Variants in APCDD1 observed in about 807,000 individuals in gnomAD.
The protein encoded by APCDD1 is APC down-regulated 1, also known as protein APCDD1.
Under a neutral mutation model 38.1 loss-of-function variants are expected in APCDD1, and 15 were observed. The observed-to-expected ratio is 0.39, with a 90% CI of 0.26 to 0.61. APCDD1 has a LOEUF of 0.61. Ranked by LOEUF, APCDD1 falls within the 20% of genes least tolerant of loss-of-function variation. The pLI is 0.49. For synonymous variants in APCDD1, 261 were observed against 279.7 expected (o/e 0.93, Z 0.67); for missense variants, 647 against 696.2 (o/e 0.93, Z 0.79).
chr18:10,483,463 C>T (rs1046563768), intron 3 of APCDD1, among the ~76,000 whole-genome samples: 7 of 152,246 alleles, frequency 4.6e-5, no homozygotes, highest in East Asian at 1.9e-4. Flanking sequence ...AACATTATCT[C>T]GCCTGAAGTG....
chr18:10,462,880 C>T (rs1051164743), intron 1 of APCDD1, among the ~76,000 whole-genome samples: 1 of 151,802 alleles, frequency 6.6e-6, no homozygotes, highest in Non-Finnish European at 1.5e-5. Flanking sequence ...GCCTTATCAT[C>T]GATCTTCCTG....
Position 10,467,319 on chromosome 18 carries a change from C to CTGTT in APCDD1, c.59-1150_59-1149insTGTT, listed in dbSNP as rs557531404. ...TTAAAAAATATAATTGCTTCCTCAC[C>CTGTT]AGTAGCATTCAAACAGGTACATTTT... On this transcript the variant is annotated intron_variant, in intron 1 of 4. Transcript: ENST00000355285. This position sits in a 1 kb window ranked among gnomAD's most constrained non-coding sequence, Gnocchi z 4.8. Among the ~76,000 whole-genome samples the CTGTT allele has an allele frequency of 4.2e-4, 64 of 152,252 alleles. No homozygotes were observed. The South Asian group carries it at 0.012, about 30-fold the overall frequency.
chr18:10,468,294 A>G (rs1317099603), intron 1 of APCDD1, among the ~76,000 whole-genome samples, 175 bp from the exon 2 acceptor site: 1 of 152,252 alleles, frequency 6.6e-6, no homozygotes, highest in Admixed American at 6.5e-5. Context: ...CTACAATGAC[A>G]CTTGCCACTT....
chr18:10,478,875 C>T (rs895782494), intron 3 of APCDD1, among the ~76,000 whole-genome samples: 7 of 152,174 alleles, frequency 4.6e-5, no homozygotes, highest in Non-Finnish European at 1.0e-4. Flanking sequence ...TCCTAGAATC[C>T]CAGATAGGAA....
rs765912477 is a variant in APCDD1, at chr18:10,471,486, C to T, written c.243-44C>T. ...TACTATAATGAATCTCTTTCCCATA[C>T]CTTCAGGCTTACAAAGGTCTCTTCT... On this transcript the variant is annotated intron_variant, in intron 2 of 4. Transcript: ENST00000355285. This position sits in a 1 kb window ranked among gnomAD's most constrained non-coding sequence, Gnocchi z 5.5. 7 of 1,611,494 alleles carry T rather than the reference C, an allele frequency of 4.3e-6. No individual in the cohort carries two copies. In the African/African-American group the frequency reaches 6.7e-5, roughly 15 times the overall value.
intron 3 of APCDD1, among the ~76,000 whole-genome samples, chr18:10,481,413 T>A (rs1274053596): frequency 6.6e-6 from 1 of 152,190 alleles, no homozygotes; most frequent in Non-Finnish European, 1.5e-5. Context: ...GAGGAGCTTA[T>A]AGTAAGTGAA....
rs1017355296 is a variant in APCDD1 at position 10,489,197 on chromosome 18, A to C, written c.*1159A>C. 6.6e-6 allele frequency: 1 copy of C among 152,488 alleles called. No individual in the cohort carries two copies. The highest frequency in any genetic ancestry group is 2.4e-5 in the African/African-American group (1 of 41,430). The allele number at this position is 152,488 out of a possible 1,614,324, so 9.4% of individuals were successfully genotyped here. On this transcript the variant is annotated 3_prime_UTR_variant, in exon 5 of 5. Transcript: ENST00000355285. ...GATGTGGCTCTGTGCTGGCAGTTTC[A>C]GGGTCAGTGTGCTGCTTTCCTAGGG... is the stretch of plus-strand genomic sequence containing the variant.
intron 3 of APCDD1, among the ~76,000 whole-genome samples, chr18:10,484,165 G>A (rs2031197767): frequency 6.6e-6 from 1 of 152,234 alleles, no homozygotes; most frequent in Non-Finnish European, 1.5e-5. Flanking sequence ...GCTTAAAGCT[G>A]AGAAAGCAGG....
chr18:10,455,804 A>G (rs933821838), intron 1 of APCDD1, among the ~76,000 whole-genome samples: 1 of 152,198 alleles, frequency 6.6e-6, no homozygotes, highest in African/African-American at 2.4e-5. Flanking sequence ...ATTGCGCTGA[A>G]AACACCAAGA....
At chr18:10,458,627 A>G (rs2030443271) in intron 1 of APCDD1, among the ~76,000 whole-genome samples, 1 of 152,212 alleles carries the variant, frequency 6.6e-6, no homozygotes, top group South Asian at 2.1e-4. Flanking sequence ...AGCTGAGTTC[A>G]TTCTTTTTCC....
In APCDD1 at chr18:10,487,687, G is replaced by A; in HGVS notation, c.1194G>A (p.Val398=). 1 of 1,614,140 alleles carries A rather than the reference G, an allele frequency of 6.2e-7. No individual in the cohort carries two copies. Among genetic ancestry groups the A allele is most frequent in the Non-Finnish European group, 8.5e-7 (1 of 1,180,040 alleles). The change falls in exon 5 of 5, where the codon GTG becomes GTA. Residue 398 remains valine (V), a synonymous_variant. Transcript: ENST00000355285. Reference sequence around the variant, plus strand: ...GCGGGGCCGAGGGCTCCTGGCAGGTGGGCATCCAGCAGGATGTGACCCACA... The same window carrying A: ...GCGGGGCCGAGGGCTCCTGGCAGGTAGGCATCCAGCAGGATGTGACCCACA... The part of the protein sequence containing the change: ...NECGAEGSWQ[V]GIQQDVTHTN...
chr18:10,456,064 G>A (rs2030374450), intron 1 of APCDD1, among the ~76,000 whole-genome samples: 1 of 152,220 alleles, frequency 6.6e-6, no homozygotes, highest in South Asian at 2.1e-4. Context: ...TCAGGCTGAG[G>A]ACCTTCCCTC....
chr18:10,488,268 C>G lies in APCDD1; in HGVS notation c.*230C>G. 5.1e-6 allele frequency: 3 copies of G among 592,824 alleles called. No homozygotes were observed. The highest frequency in any genetic ancestry group is 8.9e-6 in the Non-Finnish European group (3 of 337,234). The allele number at this position is 592,824 out of a possible 1,614,324, so 36.7% of individuals were successfully genotyped here. A position where few individuals can be genotyped will look rare whatever the true frequency, so the allele number is the denominator to read the frequency against. ...ATCCCTGGCCTGAGCAACTTCACAA[C>G]AGTAATTGCACTTTAAGACAGCCTA... On this transcript the variant is annotated 3_prime_UTR_variant, in exon 5 of 5. Transcript: ENST00000355285.
At chr18:10,473,510 G>C (rs1159063316) in intron 3 of APCDD1, among the ~76,000 whole-genome samples, 5 of 152,220 alleles carry the variant, frequency 3.3e-5, no homozygotes, top group African/African-American at 1.2e-4. Flanking sequence ...CAGAGAGGGA[G>C]GGCAGCCTCT....
In APCDD1 at chr18:10,454,803, A is replaced by G. The variant is rs1299238639; in HGVS notation, c.-179A>G. 7 of 982,140 alleles carry G rather than the reference A, an allele frequency of 7.1e-6. No homozygotes were observed. The highest frequency in any genetic ancestry group is 8.4e-6 in the Non-Finnish European group (7 of 829,556). The allele number at this position is 982,140 out of a possible 1,614,324, so 60.8% of individuals were successfully genotyped here. A position where few individuals can be genotyped will look rare whatever the true frequency, so the allele number is the denominator to read the frequency against. On this transcript the variant is annotated 5_prime_UTR_variant, in exon 1 of 5. Transcript: ENST00000355285. Reference sequence around the variant, plus strand: ...CCCACAGCCGCCCGACGGCGCCCAGAGAGCGCGCGCCCCGCAGCCCCGCGC... The same window carrying G: ...CCCACAGCCGCCCGACGGCGCCCAGGGAGCGCGCGCCCCGCAGCCCCGCGC...
At chr18:10,468,775 C>A in intron 2 of APCDD1, 123 bp downstream of exon 2, 1 of 1,076,096 alleles carries the variant, frequency 9.3e-7, no homozygotes, top group Non-Finnish European at 1.4e-6. Flanking sequence ...TGTCCAAGTT[C>A]TAATGAAGAA....
At chr18:10,477,394 T>A (rs1279875293) in intron 3 of APCDD1, 3 of 152,132 alleles carry the variant, frequency 2.0e-5, no homozygotes, top group African/African-American at 7.2e-5. Flanking sequence ...CCTGAAGGGG[T>A]TGCTTTTGTG....
intron 1 of APCDD1, among the ~76,000 whole-genome samples, chr18:10,463,092 A>G (rs2030612951): frequency 6.6e-6 from 1 of 151,278 alleles, no homozygotes; most frequent in Admixed American, 6.6e-5. Flanking sequence ...GTCCTAGGTC[A>G]CCCCGTGCCC....
chr18:10,483,612 A>G (rs1282487567), intron 3 of APCDD1, among the ~76,000 whole-genome samples: 1 of 152,200 alleles, frequency 6.6e-6, no homozygotes, highest in African/African-American at 2.4e-5. Context: ...AGGGCTGTAA[A>G]CCCAAAGACC....
Sources: gnomAD v4.1 joint callset for allele counts (sites outside exome capture counted in the v4.1 genomes callset) on GRCh38, gnomAD v4.1.1 for gene constraint, Gnocchi (gnomAD v3.1) non-coding constraint, MANE v1.5 for transcripts, NCBI Gene and HGNC (gene_info 2026-07-23, HGNC 2026-07-21) for gene names.